Variants in WIPF1 observed in about 807,000 individuals in gnomAD.
WIPF1 encodes WAS/WASL interacting protein family member 1.
Under a neutral mutation model 35.4 loss-of-function variants are expected in WIPF1, and 13 were observed. The observed-to-expected ratio is 0.37, with a 90% confidence interval of 0.24 to 0.58. The LOEUF (loss-of-function observed/expected upper bound fraction) is 0.58, where lower values mean the gene tolerates loss of function less well. Among genes scored for constraint, WIPF1 ranks in the 20% least tolerant of loss-of-function variants. The probability of loss-of-function intolerance (pLI) is 0.74; values close to 1 mark genes in which losing one functional copy is unlikely to be tolerated. For synonymous variants in WIPF1, 267 were observed against 266.3 expected, an observed-to-expected ratio of 1.00 and a Z score of -0.02; for missense variants, 591 against 667.0, an observed-to-expected ratio of 0.89 and a Z score of 1.25.
At position 174,571,735 on chromosome 2, in the gene WIPF1, AGAG is replaced by A; in HGVS notation, c.1067_1069del (p.Pro356del). 6.2e-7 allele frequency: 1 copy of A among 1,614,082 alleles called. No individual in the cohort carries two copies. The highest frequency in any genetic ancestry group is 8.5e-7 in the Non-Finnish European group (1 of 1,179,992). On this transcript the variant is annotated inframe_deletion, in exon 5 of 8. Transcript: ENST00000679041. This position sits in a 1 kb window ranked among gnomAD's most constrained non-coding sequence, Gnocchi z 4.6. ...GGGTCTCTCACTGGGCGGGGGAGGA[AGAG>A]GACCTGAACGTCCTGGCGAAGGTAA...
chr2:174,637,091 C>T (rs759962958), intron 1 of WIPF1, among the ~76,000 whole-genome samples: 1 of 152,180 alleles, frequency 6.6e-6, no homozygotes, highest in Non-Finnish European at 1.5e-5. Flanking sequence ...TTTATTTATA[C>T]CAGTATGGCT....
At chr2:174,652,876 T>C (rs553210878) in intron 1 of WIPF1, among the ~76,000 whole-genome samples, 5 of 152,260 alleles carry the variant, frequency 3.3e-5, no homozygotes, top group Admixed American at 3.3e-4. Flanking sequence ...TTAGATTAGG[T>C]GGCGGGTATT....
At chr2:174,564,991 G>T (rs902188693) in intron 7 of WIPF1, among the ~76,000 whole-genome samples, 3 of 151,698 alleles carry the variant, frequency 2.0e-5, no homozygotes, top group Non-Finnish European at 4.4e-5. Context: ...CACCTCCTGA[G>T]TTCAAGCAAT....
intron 1 of WIPF1, among the ~76,000 whole-genome samples, chr2:174,593,535 T>C (rs747308151): frequency 4.6e-5 from 7 of 152,274 alleles, no homozygotes; most frequent in Non-Finnish European, 7.3e-5. Context: ...TTCTTGATTC[T>C]ATTCTTTAGA....
At chr2:174,655,763 AC>A (rs1687627616) in intron 1 of WIPF1, 2 of 152,308 alleles carry the variant, frequency 1.3e-5, no homozygotes, top group Non-Finnish European at 1.5e-5. Context: ...GACTCACCAC[AC>A]TGTGTGGTAA....
At chr2:174,676,870 T>G (rs1258192682) in intron 1 of WIPF1, among the ~76,000 whole-genome samples, 1 of 152,182 alleles carries the variant, frequency 6.6e-6, no homozygotes, top group Non-Finnish European at 1.5e-5. Context: ...AATTTTAAAA[T>G]GTCACATTGT....
Position 174,571,724 on chromosome 2 carries a change from G to A in WIPF1, c.1081C>T (p.Pro361Ser), listed in dbSNP as rs778177884. Reference protein sequence around the residue: ...PGRSGPLPPPPSERPPPPVRD... With the variant: ...PGRSGPLPPPSSERPPPPVRD... The stretch of plus-strand genomic sequence containing the variant: ...ACTGGAGGTGGGGGTCTCTCACTGG[G>A]CGGGGGAGGAAGAGGACCTGAACGT... Residue 361 changes from proline to serine, a missense_variant, in exon 5 of 8, where the codon CCC becomes TCC. This residue lies in a region of WIPF1 where 471 missense variants were observed against 501.1 expected (regional missense o/e 0.94). Transcript: ENST00000679041. The surrounding 1 kb of genome is among the most constrained non-coding windows in gnomAD (Gnocchi z 4.6). The A allele has an allele frequency of 1.2e-6, 2 of 1,614,006 alleles. No individual in the cohort carries two copies. The highest frequency in any genetic ancestry group is 2.7e-5 in the African/African-American group (2 of 74,932).
intron 1 of WIPF1, among the ~76,000 whole-genome samples, chr2:174,603,076 G>A (rs539281765): frequency 3.3e-5 from 5 of 152,200 alleles, no homozygotes; most frequent in African/African-American, 4.8e-5. Context: ...CCTGAGGGAT[G>A]AGGCTGGAAC....
chr2:174,605,184 C>T (rs902993720), intron 1 of WIPF1, among the ~76,000 whole-genome samples: 2 of 152,210 alleles, frequency 1.3e-5, no homozygotes, highest in African/African-American at 4.8e-5. Flanking sequence ...CCTGTAATCC[C>T]AGCACTTTGG....
chr2:174,661,772 G>T (rs1384858056), intron 1 of WIPF1, among the ~76,000 whole-genome samples: 1 of 152,158 alleles, frequency 6.6e-6, no homozygotes, highest in Admixed American at 6.6e-5. Flanking sequence ...TGAATGAATA[G>T]ATCAAGCAAA....
chr2:174,594,684 CTCTCTT>C (rs150956586), intron 1 of WIPF1, among the ~76,000 whole-genome samples: 3,501 of 84,132 alleles, frequency 0.042, 668 homozygotes, highest in African/African-American at 0.13. Flanking sequence ...GTTTCTCTCT[CTCTCTT>C]TCTCTCTCTC....
At chr2:174,595,048 G>C (rs1290155132) in intron 1 of WIPF1, among the ~76,000 whole-genome samples, 8 of 121,536 alleles carry the variant, frequency 6.6e-5, no homozygotes, top group Admixed American at 6.1e-4. Flanking sequence ...CCAAGAGTTT[G>C]AGACCATCCT....
intron 3 of WIPF1, among the ~76,000 whole-genome samples, chr2:174,577,382 A>G (rs776323267): frequency 1.3e-4 from 20 of 152,204 alleles, no homozygotes; most frequent in Non-Finnish European, 2.4e-4. Flanking sequence ...AACAATGTAA[A>G]TTATTAACGT....
At chr2:174,678,826 A>G (rs995508592) in intron 1 of WIPF1, among the ~76,000 whole-genome samples, 4 of 152,228 alleles carry the variant, frequency 2.6e-5, no homozygotes, top group Non-Finnish European at 4.4e-5. Flanking sequence ...CAATACTAAG[A>G]TTCTTTTCAG....
chr2:174,634,834 G>A (rs192257593), intron 1 of WIPF1, among the ~76,000 whole-genome samples: 3 of 152,320 alleles, frequency 2.0e-5, no homozygotes, highest in Admixed American at 6.5e-5. Context: ...GAACCTGAAG[G>A]GGGAAGGGAG....
intron 1 of WIPF1, among the ~76,000 whole-genome samples, chr2:174,652,792 A>T (rs1053211137): frequency 2.3e-4 from 32 of 137,594 alleles, no homozygotes; most frequent in African/African-American, 3.8e-4. Context: ...AATTCCATTT[A>T]AAAAAAAAAA....
chr2:174,595,109 A>AAATATAT (rs1553529785), intron 1 of WIPF1, among the ~76,000 whole-genome samples: 3 of 57,748 alleles, frequency 5.2e-5, no homozygotes, highest in African/African-American at 1.8e-4. Context: ...AAAAAAAAAA[A>AAATATAT]ATATATATAT....
chr2:174,563,654 T>A (rs747107029), intron 7 of WIPF1, among the ~76,000 whole-genome samples: 18 of 152,186 alleles, frequency 1.2e-4, no homozygotes, highest in Non-Finnish European at 1.0e-4. Flanking sequence ...ATAAAAAAAA[T>A]TCATTTACTA....
chr2:174,670,730 A>T (rs893952822), intron 1 of WIPF1, among the ~76,000 whole-genome samples: 1 of 152,224 alleles, frequency 6.6e-6, no homozygotes, highest in Non-Finnish European at 1.5e-5. Context: ...AGGCTCAACT[A>T]GCCATGGCCA....
Sources: gnomAD v4.1 joint callset for allele counts (sites outside exome capture counted in the v4.1 genomes callset) on GRCh38, gnomAD v4.1.1 for gene constraint, gnomAD v4.1.1 regional missense constraint, Gnocchi (gnomAD v3.1) non-coding constraint, MANE v1.5 for transcripts, NCBI Gene and HGNC (gene_info 2026-07-23, HGNC 2026-07-21) for gene names.